PHACTR1: variants seen among roughly 807,000 people sequenced by gnomAD.
The protein encoded by PHACTR1 is RPEL repeat containing 1.
In PHACTR1, 16 loss-of-function variants were observed where a neutral mutation model predicts 69.2. The ratio of observed to expected loss-of-function variants is 0.23; its 90% CI spans 0.16 to 0.35. PHACTR1 has a LOEUF of 0.35. Among genes scored for constraint, PHACTR1 ranks in the 10% least tolerant of loss-of-function variants. The probability of loss-of-function intolerance (pLI) is 1.00; values close to 1 mark genes in which losing one functional copy is unlikely to be tolerated. For synonymous variants in PHACTR1, 312 were observed against 284.5 expected, an observed-to-expected ratio of 1.10 and a Z score of -0.97; for missense variants, 510 against 734.7, an observed-to-expected ratio of 0.69 and a Z score of 3.54.
At chr6:13,129,817 A>G (rs1435802464) in intron 5 of PHACTR1, among the ~76,000 whole-genome samples, 3 of 151,756 alleles carry the variant, frequency 2.0e-5, no homozygotes, top group African/African-American at 7.3e-5. Context: ...CTTAACAGAT[A>G]TTTACAGAAC....
chr6:13,284,543 A>AAAAAAAATATAT (rs1554187813), intron 13 of PHACTR1, among the ~76,000 whole-genome samples: 4 of 61,354 alleles, frequency 6.5e-5, no homozygotes, highest in African/African-American at 4.3e-4. Context: ...AAAAAAAAAA[A>AAAAAAAATATAT]ATATATATAT....
rs372383362 is a variant in PHACTR1 at position 12,809,105 on chromosome 6, C to G, written c.250+59315C>G. On this transcript the variant is annotated intron_variant, in intron 4 of 14. Coordinates refer to ENST00000332995, the MANE Select transcript of PHACTR1 (RefSeq NM_030948.6). ...GTTACCCCATGTTGCCCAGGCTGGT[C>G]TCAAACTCCCGGGGTGAAGCCATCC... 4.2e-3 allele frequency among the ~76,000 whole-genome samples: 637 copies of G among 152,154 alleles called. 5 individuals carry two copies. The highest frequency in any genetic ancestry group is 0.015 in the African/African-American group (615 of 41,482).
intron 4 of PHACTR1, among the ~76,000 whole-genome samples, chr6:12,978,356 C>T (rs1481243226): frequency 6.6e-6 from 1 of 152,194 alleles, no homozygotes; most frequent in Non-Finnish European, 1.5e-5. Context: ...AGTCCTTACC[C>T]TTCCAATACT....
intron 4 of PHACTR1, among the ~76,000 whole-genome samples, chr6:12,764,123 G>A (rs1025553225): frequency 1.3e-5 from 2 of 152,174 alleles, no homozygotes; most frequent in African/African-American, 4.8e-5. Flanking sequence ...TAGAGAAGTA[G>A]ATGTTAATGT....
At position 12,778,326 on chromosome 6, in the gene PHACTR1, T is replaced by C. The variant is rs183564814; in HGVS notation, c.250+28536T>C. ...AACTAATTTAATGTGGCAGAAGATG[T>C]TGTTTGGCTGAAATTAAATTACTGC... On this transcript the variant is annotated intron_variant, in intron 4 of 14. Transcript: ENST00000332995. Among the ~76,000 whole-genome samples, 419 of 152,340 alleles carry C rather than the reference T, an allele frequency of 2.8e-3. 2 individuals are homozygous for C. Among genetic ancestry groups the C allele is most frequent in the African/African-American group, 8.5e-3 (352 of 41,580 alleles).
chr6:13,020,571 T>G (rs1049767587), intron 4 of PHACTR1, among the ~76,000 whole-genome samples: 4 of 151,986 alleles, frequency 2.6e-5, no homozygotes, highest in Admixed American at 6.5e-5. Flanking sequence ...TTGAGTAGGA[T>G]GAATAGGGTT....
rs569869258 is a variant in PHACTR1, at chr6:13,196,558, C to T, written c.665-9257C>T. The T allele has an allele frequency of 3.3e-4, 54 of 161,882 alleles. 1 individual carries two copies. In the South Asian group the frequency reaches 6.5e-3, roughly 19 times the overall value. 10.0% of individuals were successfully genotyped at this position (161,882 alleles called of 1,614,324 possible). A position where few individuals can be genotyped will look rare whatever the true frequency, so the allele number is the denominator to read the frequency against. The stretch of plus-strand genomic sequence containing the variant: ...GCCTCAGCCTCCCAAGTAGCTGGGA[C>T]TACAGGCGCATGCCACTGCGCCCAG... On this transcript the variant is annotated intron_variant, in intron 7 of 14. Transcript: ENST00000332995.
chr6:13,260,010 T>C (rs546078568), intron 10 of PHACTR1, among the ~76,000 whole-genome samples: 74 of 152,326 alleles, frequency 4.9e-4, no homozygotes, highest in African/African-American at 1.7e-3. Flanking sequence ...CAGGAATGCC[T>C]TCCCATACGC....
At chr6:12,747,439 G>T (rs1765931059) in intron 3 of PHACTR1, among the ~76,000 whole-genome samples, 1 of 152,004 alleles carries the variant, frequency 6.6e-6, no homozygotes, top group African/African-American at 2.4e-5. Flanking sequence ...CCAGACAGGA[G>T]GATCCTTTGA....
intron 3 of PHACTR1, among the ~76,000 whole-genome samples, chr6:12,740,196 C>T (rs547610726): frequency 1.3e-5 from 2 of 152,044 alleles, no homozygotes; most frequent in Admixed American, 6.6e-5. Context: ...TGTATGAAGA[C>T]ATTACAATTA....
intron 4 of PHACTR1, among the ~76,000 whole-genome samples, chr6:12,958,899 G>A (rs1792253412): frequency 2.0e-5 from 3 of 152,026 alleles, no homozygotes; most frequent in Non-Finnish European, 4.4e-5. Context: ...AAGAGGGGTC[G>A]GGCACGGTGG....
At chr6:13,205,065 C>A (rs768604192) in intron 7 of PHACTR1, among the ~76,000 whole-genome samples, 3 of 152,192 alleles carry the variant, frequency 2.0e-5, no homozygotes, top group Non-Finnish European at 4.4e-5. Flanking sequence ...TTCTTTAGCT[C>A]ACAGTTCTGC....
chr6:12,952,434 T>G (rs1319743677), intron 4 of PHACTR1, among the ~76,000 whole-genome samples: 1 of 152,218 alleles, frequency 6.6e-6, no homozygotes, highest in Non-Finnish European at 1.5e-5. Context: ...GTCTCCATAG[T>G]GTTTACCTTT....
chr6:12,941,978 A>G (rs1049694618), intron 4 of PHACTR1, among the ~76,000 whole-genome samples: 4 of 152,318 alleles, frequency 2.6e-5, no homozygotes, highest in East Asian at 3.9e-4. Flanking sequence ...TCCCCAAGGT[A>G]TGAAACACTT....
At chr6:13,215,903 T>C (rs1221704092) in intron 8 of PHACTR1, among the ~76,000 whole-genome samples, 1 of 152,246 alleles carries the variant, frequency 6.6e-6, no homozygotes, top group Admixed American at 6.5e-5. Flanking sequence ...CAGAGTCGTC[T>C]TGAACTCTTA....
rs1562133075 is a variant in PHACTR1, at chr6:13,286,237, T to G, written c.1727+15T>G. ...CACTTAACAAGGTTAGTATTAAGGG[T>G]TTTTTTTTTCCTTTTTTTCCCTCAA... On this transcript the variant is annotated intron_variant, in intron 14 of 14. Transcript: ENST00000332995. The G allele has an allele frequency of 8.3e-6, 12 of 1,453,850 alleles. No homozygotes were observed. The highest frequency in any genetic ancestry group is 8.3e-6 in the Non-Finnish European group (9 of 1,086,974). The allele number at this position is 1,453,850 out of a possible 1,614,324, so 90.1% of individuals were successfully genotyped here.
At chr6:13,218,853 A>AAAGAGAAGAG (rs536881718) in intron 8 of PHACTR1, among the ~76,000 whole-genome samples, 4,475 of 142,360 alleles carry the variant, frequency 0.031, 96 homozygotes, top group East Asian at 0.08. Flanking sequence ...GAGGAGGAGG[A>AAAGAGAAGAG]AAGAGAAGAG....
intron 4 of PHACTR1, among the ~76,000 whole-genome samples, chr6:12,850,949 G>A (rs1038120076): frequency 6.6e-6 from 1 of 152,096 alleles, no homozygotes; most frequent in Admixed American, 6.5e-5. Context: ...TCCAAGGTAC[G>A]GGAATTCAGG....
At chr6:12,944,090 A>G (rs1790337198) in intron 4 of PHACTR1, among the ~76,000 whole-genome samples, 3 of 152,204 alleles carry the variant, frequency 2.0e-5, no homozygotes, top group Admixed American at 2.0e-4. Context: ...GTTAATTAAG[A>G]GACATTACCC....
Sources: allele counts gnomAD v4.1 joint callset (sites outside exome capture counted in the v4.1 genomes callset), GRCh38; gene constraint gnomAD v4.1.1; transcripts MANE v1.5; gene names NCBI Gene and HGNC (gene_info 2026-07-23, HGNC 2026-07-21).